Variants in L3MBTL4 observed in about 807,000 individuals in gnomAD.
The protein encoded by L3MBTL4 is L3MBTL histone methyl-lysine binding protein 4, also known as lethal(3)malignant brain tumor-like protein 4.
In L3MBTL4, 70 loss-of-function variants were observed where a neutral mutation model predicts 84.5. The ratio of observed to expected loss-of-function variants is 0.83; its 90% CI spans 0.68 to 1.01. The LOEUF is 1.01. Ranked by LOEUF, L3MBTL4 falls within the 50% of genes least tolerant of loss-of-function variation. The pLI is 0.00. For missense variants in L3MBTL4, 715 were observed against 754.8 expected (o/e 0.95, Z 0.62); for synonymous variants, 274 against 259.8 (o/e 1.05, Z -0.52).
At chr18:6,136,982 T>C (rs962931085) in intron 14 of L3MBTL4, among the ~76,000 whole-genome samples, 1 of 152,212 alleles carries the variant, frequency 6.6e-6, no homozygotes, top group African/African-American at 2.4e-5. Flanking sequence ...CCTGGCCTTC[T>C]TCCAAGTGCA....
intron 16 of L3MBTL4, among the ~76,000 whole-genome samples, chr18:6,069,236 A>G (rs575970094): frequency 6.6e-6 from 1 of 152,316 alleles, no homozygotes; most frequent in South Asian, 2.1e-4. Context: ...ACCTCTGGTT[A>G]GTCAGGGTGT....
At chr18:5,963,092 G>C (rs141683324) in intron 17 of L3MBTL4, among the ~76,000 whole-genome samples, 1 of 152,298 alleles carries the variant, frequency 6.6e-6, no homozygotes, top group East Asian at 1.9e-4. Context: ...CCAGTAACTA[G>C]CTAACGACCC....
At chr18:6,301,190 C>G (rs1885741857) in intron 4 of L3MBTL4, among the ~76,000 whole-genome samples, 1 of 151,962 alleles carries the variant, frequency 6.6e-6, no homozygotes, top group Non-Finnish European at 1.5e-5. Context: ...CAAAAGCTTC[C>G]TCAACAAAAT....
At chr18:6,377,658 T>A (rs1231070113) in intron 1 of L3MBTL4, among the ~76,000 whole-genome samples, 1 of 152,228 alleles carries the variant, frequency 6.6e-6, no homozygotes, top group Non-Finnish European at 1.5e-5. Flanking sequence ...GAACACATCC[T>A]TTTTTATGGC....
intron 5 of L3MBTL4, among the ~76,000 whole-genome samples, chr18:6,261,243 A>G (rs946752316): frequency 1.1e-4 from 16 of 152,214 alleles, no homozygotes; most frequent in Admixed American, 2.0e-4. Flanking sequence ...CCAGTCTTAC[A>G]TGGCACTTTG....
intron 17 of L3MBTL4, among the ~76,000 whole-genome samples, chr18:5,962,568 C>T (rs1325010653): frequency 6.6e-6 from 1 of 152,212 alleles, no homozygotes; most frequent in Non-Finnish European, 1.5e-5. Context: ...CTCTGCAGAG[C>T]TTTCACGCTG....
intron 7 of L3MBTL4, 85 bp from the exon 8 acceptor site, chr18:6,241,534 G>A (rs943327389): frequency 4.1e-6 from 3 of 738,588 alleles, no homozygotes; most frequent in Admixed American, 5.4e-5. Flanking sequence ...AAAAGTAAGT[G>A]CGGTTTTGGC....
chr18:6,401,906 G>A (rs2055528563), intron 1 of L3MBTL4, among the ~76,000 whole-genome samples: 1 of 152,194 alleles, frequency 6.6e-6, no homozygotes, highest in Admixed American at 6.5e-5. Flanking sequence ...GCCATCAAGG[G>A]GCCGCTGTGA....
chr18:6,208,362 C>A (rs2045960616), intron 12 of L3MBTL4, among the ~76,000 whole-genome samples: 4 of 152,248 alleles, frequency 2.6e-5, no homozygotes, highest in Admixed American at 2.0e-4. Flanking sequence ...ACAGCCATAA[C>A]AATTTCTCTT....
chr18:5,999,276 G>A (rs973578511), intron 16 of L3MBTL4, among the ~76,000 whole-genome samples: 1 of 152,180 alleles, frequency 6.6e-6, no homozygotes, highest in Admixed American at 6.5e-5. Context: ...TAGTTCAGAT[G>A]CTATCTTCTC....
At chr18:6,029,997 T>A (rs2055707154) in intron 16 of L3MBTL4, 1 of 985,376 alleles carries the variant, frequency 1.0e-6, no homozygotes, top group Non-Finnish European at 1.2e-6. Context: ...ATGAAAACCA[T>A]CCAGATGGCC....
chr18:6,104,933 T>C (rs1448178046), intron 14 of L3MBTL4, among the ~76,000 whole-genome samples: 1 of 152,124 alleles, frequency 6.6e-6, no homozygotes, highest in Non-Finnish European at 1.5e-5. Flanking sequence ...TTGTCCTTGA[T>C]AGAAATAAGA....
At chr18:6,399,696 C>T (rs2055432339) in intron 1 of L3MBTL4, 1 of 152,144 alleles carries the variant, frequency 6.6e-6, no homozygotes, top group African/African-American at 2.4e-5. Context: ...GGTAATATAG[C>T]TAATGGAGAA....
At chr18:5,993,031 T>C (rs1320308642) in intron 16 of L3MBTL4, among the ~76,000 whole-genome samples, 1 of 152,196 alleles carries the variant, frequency 6.6e-6, no homozygotes, top group African/African-American at 2.4e-5. Context: ...GTTGGTGGAA[T>C]GCAAGACTGA....
intron 16 of L3MBTL4, among the ~76,000 whole-genome samples, chr18:6,046,424 A>T (rs183992101): frequency 1.3e-5 from 2 of 152,356 alleles, no homozygotes; most frequent in African/African-American, 4.8e-5. Context: ...GCATCTACAG[A>T]ATACTCCACC....
At chr18:6,187,108 G>A (rs1024500413) in intron 12 of L3MBTL4, among the ~76,000 whole-genome samples, 2 of 152,138 alleles carry the variant, frequency 1.3e-5, no homozygotes, top group Non-Finnish European at 2.9e-5. Flanking sequence ...TAAAAACAGA[G>A]GTCCACTTAG....
intron 3 of L3MBTL4, among the ~76,000 whole-genome samples, chr18:6,305,432 T>C (rs1244367400): frequency 1.3e-5 from 2 of 151,894 alleles, no homozygotes; most frequent in African/African-American, 4.8e-5. Flanking sequence ...TTCATAAAGG[T>C]AATAAATCTA....
chr18:6,050,331 A>G (rs965267730), intron 16 of L3MBTL4, among the ~76,000 whole-genome samples: 1 of 152,218 alleles, frequency 6.6e-6, no homozygotes, highest in Admixed American at 6.5e-5. Flanking sequence ...GGACCATATA[A>G]AATCCTGGCT....
chr18:6,219,225 C>T (rs2046448203), intron 10 of L3MBTL4, among the ~76,000 whole-genome samples: 1 of 151,916 alleles, frequency 6.6e-6, no homozygotes, highest in Non-Finnish European at 1.5e-5. Flanking sequence ...ATACTTATCA[C>T]TTCGTCCTGC....
Sources: gnomAD v4.1 joint callset for allele counts (sites outside exome capture counted in the v4.1 genomes callset) on GRCh38, gnomAD v4.1.1 for gene constraint, MANE v1.5 for transcripts, NCBI Gene and HGNC (gene_info 2026-07-23, HGNC 2026-07-21) for gene names.